The following DCLK2 variants were observed in gnomAD, a reference collection of about 807,000 sequenced individuals.
The protein encoded by DCLK2 is doublecortin like kinase 2, also known as serine/threonine-protein kinase DCLK2.
DCLK2 carries 31 observed loss-of-function variants against 78.4 expected under a neutral mutation model. The observed-to-expected ratio is 0.40, with a 90% confidence interval of 0.30 to 0.53. DCLK2 has a LOEUF of 0.53. Ranked by LOEUF, DCLK2 falls within the 20% of genes least tolerant of loss-of-function variation. The probability of loss-of-function intolerance (pLI) is 0.61; values close to 1 mark genes in which losing one functional copy is unlikely to be tolerated. For synonymous variants in DCLK2, 407 were observed against 374.9 expected, an observed-to-expected ratio of 1.09 and a Z score of -0.99; for missense variants, 872 against 973.7, an observed-to-expected ratio of 0.90 and a Z score of 1.39.
chr4:150,151,471 G>A (rs2150229386), intron 2 of DCLK2, among the ~76,000 whole-genome samples: 1 of 152,324 alleles, frequency 6.6e-6, no homozygotes, highest in East Asian at 1.9e-4. Context: ...GCATTTCTCT[G>A]AAGATAAGGA....
chr4:150,175,180 A>T (rs1363935863), intron 2 of DCLK2, among the ~76,000 whole-genome samples: 7 of 126,716 alleles, frequency 5.5e-5, no homozygotes, highest in Non-Finnish European at 9.5e-5. Flanking sequence ...ATATTTATAT[A>T]TATTTATAAT....
At position 150,102,747 on chromosome 4, in the gene DCLK2, A is replaced by G; in HGVS notation, c.691A>G (p.Ile231Val). The G allele has an allele frequency of 6.2e-7, 1 of 1,614,156 alleles. No individual in the cohort carries two copies. Among genetic ancestry groups the G allele is most frequent in the Non-Finnish European group, 8.5e-7 (1 of 1,180,010 alleles). ...AHSFEQVLTDITEAIKLDSGV... is the reference protein window; with the variant it reads ...AHSFEQVLTDVTEAIKLDSGV... Reference sequence around the variant, plus strand: ...TTCCTTTGAACAAGTCTTAACAGATATCACCGAAGCCATTAAACTAGACTC... The same window carrying G: ...TTCCTTTGAACAAGTCTTAACAGATGTCACCGAAGCCATTAAACTAGACTC... Residue 231 changes from isoleucine to valine, a missense_variant, in exon 2 of 16, where the codon ATC becomes GTC. This residue lies in a region of DCLK2 where 567 missense variants were observed against 593.4 expected (regional missense o/e 0.96). Coordinates refer to ENST00000296550, the MANE Select transcript of DCLK2 (RefSeq NM_001040260.4).
chr4:150,202,245 T>C (rs1296218048), intron 4 of DCLK2, among the ~76,000 whole-genome samples: 1 of 152,238 alleles, frequency 6.6e-6, no homozygotes, highest in Non-Finnish European at 1.5e-5. Context: ...GAAATTTAAC[T>C]TGATTGAGAA....
intron 2 of DCLK2, among the ~76,000 whole-genome samples, chr4:150,186,901 T>TGC (rs1737990636): frequency 7.3e-6 from 1 of 137,784 alleles, no homozygotes; most frequent in African/African-American, 3.4e-5. Context: ...AAAATGTGTG[T>TGC]GTGTGTGTGT....
chr4:150,193,312 A>G (rs769019279), intron 3 of DCLK2, 72 bp downstream of exon 3: 123 of 978,972 alleles, frequency 1.3e-4, no homozygotes, highest in Non-Finnish European at 1.7e-4. Context: ...GGATTTAGCC[A>G]CTCAGTTGGT....
intron 2 of DCLK2, among the ~76,000 whole-genome samples, chr4:150,158,630 G>A (rs1158544724): frequency 6.6e-6 from 1 of 152,146 alleles, no homozygotes; most frequent in African/African-American, 2.4e-5. Flanking sequence ...TCTTCAATAT[G>A]TAAACTAAAA....
At chr4:150,170,913 C>A (rs987569427) in intron 2 of DCLK2, among the ~76,000 whole-genome samples, 5 of 152,012 alleles carry the variant, frequency 3.3e-5, no homozygotes, top group African/African-American at 1.2e-4. Context: ...GTGATTACTG[C>A]AGAAATTAAA....
chr4:150,098,103 T>C (rs1297547441), intron 1 of DCLK2, among the ~76,000 whole-genome samples: 1 of 152,096 alleles, frequency 6.6e-6, no homozygotes, highest in Non-Finnish European at 1.5e-5. Flanking sequence ...AGGAAGGATC[T>C]AAGGAAACGG....
rs1020906506 is a variant in DCLK2 at position 150,175,066 on chromosome 4, A to G, written c.757-18072A>G. 8.0e-3 allele frequency among the ~76,000 whole-genome samples: 80 copies of G among 10,062 alleles called. 17 individuals are homozygous for G. The highest frequency in any genetic ancestry group is 0.02 in the African/African-American group (76 of 3,830). The allele number at this position is 10,062 out of a possible 152,430, so 6.6% of individuals were successfully genotyped here. A position where few individuals can be genotyped will look rare whatever the true frequency, so the allele number is the denominator to read the frequency against. On this transcript the variant is annotated intron_variant, in intron 2 of 15. Coordinates refer to ENST00000296550, the MANE Select transcript of DCLK2 (RefSeq NM_001040260.4). ...TATTTATATATTTATATATATATTT[A>G]TATATATTTATATATTTATATATAT...
chr4:150,126,825 T>C (rs1039277309), intron 2 of DCLK2, among the ~76,000 whole-genome samples: 6 of 152,200 alleles, frequency 3.9e-5, no homozygotes, highest in African/African-American at 1.4e-4. Context: ...GTCTCATAAA[T>C]GTCTTTGTTT....
At chr4:150,188,286 C>A (rs1738108215) in intron 2 of DCLK2, among the ~76,000 whole-genome samples, 1 of 151,808 alleles carries the variant, frequency 6.6e-6, no homozygotes, top group African/African-American at 2.4e-5. Context: ...CCAGCCTGGG[C>A]AACATAGTGA....
At chr4:150,172,166 G>T (rs1736580279) in intron 2 of DCLK2, among the ~76,000 whole-genome samples, 1 of 152,126 alleles carries the variant, frequency 6.6e-6, no homozygotes, top group South Asian at 2.1e-4. Context: ...TGAAGACTTG[G>T]CTTAACCTAG....
intron 12 of DCLK2, among the ~76,000 whole-genome samples, chr4:150,242,502 T>C (rs938077317): frequency 2.0e-5 from 3 of 152,224 alleles, no homozygotes; most frequent in Non-Finnish European, 2.9e-5. Context: ...GTGAAACAAT[T>C]GCATGGATCA....
intron 1 of DCLK2, among the ~76,000 whole-genome samples, chr4:150,088,980 C>G (rs1358315591): frequency 6.6e-6 from 1 of 152,196 alleles, no homozygotes; most frequent in Admixed American, 6.5e-5. Context: ...GTACATTACT[C>G]ACTGTTTTGC....
rs111249273 is a variant in DCLK2 at position 150,117,586 on chromosome 4, G to A, written c.756+14774G>A. Reference sequence around the variant, plus strand: ...TGATTGCTGTCTGAGTTAGCTGGCCGACTTCTGCAAGGTCCCCTGTGAGGT... The same window carrying A: ...TGATTGCTGTCTGAGTTAGCTGGCCAACTTCTGCAAGGTCCCCTGTGAGGT... On this transcript the variant is annotated intron_variant, in intron 2 of 15. Coordinates refer to ENST00000296550, the MANE Select transcript of DCLK2 (RefSeq NM_001040260.4). 3.0e-3 allele frequency among the ~76,000 whole-genome samples: 454 copies of A among 152,254 alleles called. 3 individuals carry two copies. Among genetic ancestry groups the A allele is most frequent in the African/African-American group, 0.01 (436 of 41,552 alleles).
chr4:150,147,357 T>A (rs1249493969), intron 2 of DCLK2, among the ~76,000 whole-genome samples: 1 of 152,144 alleles, frequency 6.6e-6, no homozygotes, highest in Non-Finnish European at 1.5e-5. Context: ...AGGCAGCAAG[T>A]GGGAACTGAT....
intron 15 of DCLK2, among the ~76,000 whole-genome samples, chr4:150,251,925 G>A (rs1744192423): frequency 6.6e-6 from 1 of 151,902 alleles, no homozygotes; most frequent in Non-Finnish European, 1.5e-5. Context: ...CTGCCAGAAA[G>A]TGTGCTCTCC....
rs756344383 is a variant in DCLK2 at position 150,249,617 on chromosome 4, T to G, written c.2006T>G (p.Leu669Arg). ...ATGCAAGCTGAGGTGACAGGTAAAC[T>G]AAAACAGCACTTTAATAATGCGCTC... ...NNMQAEVTGK[L>R]KQHFNNALPK... The change falls in exon 15 of 16, where the codon CTA (leucine) becomes CGA (arginine). Residue 669 changes from leucine to arginine, a missense_variant. Coordinates refer to ENST00000296550, the MANE Select transcript of DCLK2 (RefSeq NM_001040260.4). The G allele has an allele frequency of 1.2e-6, 2 of 1,613,792 alleles. No homozygotes were observed. Among genetic ancestry groups the G allele is most frequent in the Non-Finnish European group, 1.7e-6 (2 of 1,179,990 alleles).
chr4:150,227,778 C>T (rs28405622), intron 8 of DCLK2, among the ~76,000 whole-genome samples: 35,967 of 152,134 alleles, frequency 0.24, 4,474 homozygotes, highest in Non-Finnish European at 0.29. Flanking sequence ...TAGAAGTGGT[C>T]CTTCTTTGTC....
Sources: allele counts gnomAD v4.1 joint callset (sites outside exome capture counted in the v4.1 genomes callset), GRCh38; gene constraint gnomAD v4.1.1; regional missense constraint gnomAD v4.1.1; transcripts MANE v1.5; gene names NCBI Gene and HGNC (gene_info 2026-07-23, HGNC 2026-07-21).